The following SYT12 variants were observed in gnomAD, a reference collection of about 807,000 sequenced individuals.
SYT12 encodes the protein synaptotagmin-12.
In SYT12, 27 loss-of-function variants were observed where a neutral mutation model predicts 39.5. That is an observed-to-expected ratio of 0.68 (90% CI 0.50 to 0.94). The LOEUF is 0.94. Ranked by LOEUF, SYT12 falls within the 40% of genes least tolerant of loss-of-function variation. The probability of loss-of-function intolerance (pLI) is 0.00; values close to 1 mark genes in which losing one functional copy is unlikely to be tolerated. For synonymous variants in SYT12, 233 were observed against 239.7 expected (o/e 0.97, Z 0.26); for missense variants, 536 against 572.6 (o/e 0.94, Z 0.65).
At chr11:67,040,286 A>G (rs1950485431) in intron 4 of SYT12, 83 bp downstream of exon 4, 1 of 1,503,382 alleles carries the variant, frequency 6.7e-7, no homozygotes, top group South Asian at 1.3e-5. Context: ...GGGGCCCGGC[A>G]GGATCCCAGA....
rs147256033 is a variant in SYT12, at chr11:67,045,752, G to A, written c.967G>A (p.Val323Ile). 65 of 1,613,684 alleles carry A rather than the reference G, an allele frequency of 4.0e-5. No homozygotes were observed. The highest frequency in any genetic ancestry group is 1.6e-4 in the Middle Eastern group (1 of 6,084). ...TGTCCGCCTGCCCACAGACCCCTTC[G>A]TCAAGGTGTACCTGCTGCAGGATGG... Reference protein sequence around the residue: ...TNDKTTADPFVKVYLLQDGRK... With the variant: ...TNDKTTADPFIKVYLLQDGRK... Residue 323 changes from valine to isoleucine, a missense_variant, in exon 7 of 8, where the codon GTC becomes ATC. Coordinates refer to ENST00000527043, the MANE Select transcript of SYT12 (RefSeq NM_177963.4).
upstream of SYT12, among the ~76,000 whole-genome samples, chr11:67,021,098 A>G (rs763132870): frequency 1.3e-5 from 2 of 152,160 alleles, no homozygotes; most frequent in Non-Finnish European, 2.9e-5. Context: ...TTGTGTCACT[A>G]CACCACAATG....
intron 3 of SYT12, 95 bp downstream of exon 3, chr11:67,034,933 A>T: frequency 1.1e-6 from 1 of 873,766 alleles, no homozygotes; most frequent in Non-Finnish European, 1.6e-6. Flanking sequence ...CTCCGTCACC[A>T]CCTCCTCCTG....
At chr11:67,045,944 C>G in intron 7 of SYT12, 67 bp downstream of exon 7, 1 of 1,595,604 alleles carries the variant, frequency 6.3e-7, no homozygotes, top group East Asian at 2.2e-5. Flanking sequence ...CGCATCTCTC[C>G]ACCTTCTCTT....
chr11:67,030,271 G>A (rs1056099402), intron 2 of SYT12, 93 bp downstream of exon 2: 1 of 1,434,148 alleles, frequency 7.0e-7, no homozygotes, highest in Non-Finnish European at 9.7e-7. Context: ...TGAATAATTA[G>A]TCCTTGCCAT....
chr11:67,026,473 G>T (rs150426934), intron 1 of SYT12: 2 of 151,696 alleles, frequency 1.3e-5, no homozygotes, highest in African/African-American at 4.8e-5. Flanking sequence ...GGGTTTCTCC[G>T]TGTGGGTCAG....
At position 67,040,187 on chromosome 11, in the gene SYT12, T is replaced by C. The variant is rs1950483136; in HGVS notation, c.605T>C (p.Ile202Thr). The change falls in exon 4 of 8, where the codon ATC (isoleucine) becomes ACC (threonine). Residue 202 changes from isoleucine (I) to threonine (T), a missense_variant. Transcript: ENST00000527043. The stretch of plus-strand genomic sequence containing the variant: ...GTCAGCCTGCTGCCGGACGAGCAGA[T>C]CGTGGGCATTTCTCGGGTAAGTGGG... ...MRVSLLPDEQ[I>T]VGISRIQRNA... 1.3e-6 allele frequency: 2 copies of C among 1,578,210 alleles called. No homozygotes were observed. The highest frequency in any genetic ancestry group is 1.7e-6 in the Non-Finnish European group (2 of 1,158,794).
chr11:67,024,270 G>A (rs1356659862), intron 1 of SYT12, among the ~76,000 whole-genome samples: 2 of 152,224 alleles, frequency 1.3e-5, no homozygotes, highest in African/African-American at 4.8e-5. Flanking sequence ...CAGTTTTAGA[G>A]AGCAGCAGCA....
intron 2 of SYT12, chr11:67,032,469 G>T (rs1446411592): frequency 1.3e-5 from 2 of 152,284 alleles, no homozygotes; most frequent in Non-Finnish European, 2.9e-5. Context: ...TCCAAACGGA[G>T]TATGAAGCCC....
chr11:67,037,829 C>G (rs1403025716), intron 3 of SYT12, among the ~76,000 whole-genome samples: 4 of 148,612 alleles, frequency 2.7e-5, no homozygotes, highest in Non-Finnish European at 5.9e-5. Flanking sequence ...TTGCAGTGAG[C>G]AGAGATCGCA....
At chr11:67,009,314 A>AT (rs374861549) in intron 1 of SYT12, among the ~76,000 whole-genome samples, 6 of 150,588 alleles carry the variant, frequency 4.0e-5, no homozygotes, top group African/African-American at 1.2e-4. Context: ...ACCTTGATTG[A>AT]TTTTTTTTCT....
chr11:67,010,434 A>G (rs964202038), intron 2 of SYT12, among the ~76,000 whole-genome samples: 1 of 152,202 alleles, frequency 6.6e-6, no homozygotes, highest in Admixed American at 6.5e-5. Context: ...AGACAGGGGT[A>G]GTGTCCAGAC....
intron 3 of SYT12, among the ~76,000 whole-genome samples, chr11:67,011,469 C>G (rs1002080217): frequency 6.6e-6 from 1 of 152,202 alleles, no homozygotes; most frequent in Non-Finnish European, 1.5e-5. Context: ...TCTCGAACTC[C>G]TGACCTCAGG....
chr11:67,034,809 G>C lies in SYT12; in HGVS notation c.199G>C (p.Gly67Arg). The C allele has an allele frequency of 6.3e-7, 1 of 1,584,916 alleles. No homozygotes were observed. Among genetic ancestry groups the C allele is most frequent in the South Asian group, 1.2e-5 (1 of 86,782 alleles). ...CTACAGGTACCTTCAGCAGAAGTACGGCGAGAGCTGCGCAGAGGCCAGGGA... is the reference window on the plus strand; with the variant it reads ...CTACAGGTACCTTCAGCAGAAGTACCGCGAGAGCTGCGCAGAGGCCAGGGA... ...YDYRYLQQKY[G>R]ESCAEAREKR... Residue 67 changes from glycine to arginine, a missense_variant, in exon 3 of 8, where the codon GGC becomes CGC. By Grantham distance (125) the Gly-to-Arg change is moderately radical (BLOSUM62 -2). Coordinates refer to ENST00000527043, the MANE Select transcript of SYT12 (RefSeq NM_177963.4).
chr11:67,009,623 C>T (rs761873909), intron 1 of SYT12, among the ~76,000 whole-genome samples: 3 of 151,672 alleles, frequency 2.0e-5, no homozygotes, highest in Non-Finnish European at 4.4e-5. Context: ...GACAAAACAC[C>T]TGCTATATGC....
chr11:67,035,812 TCCTTCCTTCCTTCCTTCCTTCC>T (rs1950360334), intron 3 of SYT12, among the ~76,000 whole-genome samples: 1 of 72,316 alleles, frequency 1.4e-5, no homozygotes, highest in African/African-American at 6.8e-5. Context: ...CTTCCTTCCT[TCCTTCCTTCCTTCCTTCCTTCC>T]TTCCTTTCTT....
chr11:67,021,406 T>G (rs779808850), upstream of SYT12, among the ~76,000 whole-genome samples: 2 of 152,026 alleles, frequency 1.3e-5, no homozygotes, highest in Non-Finnish European at 2.9e-5. Context: ...GCTCCCAGGT[T>G]CAAGCAATTC....
chr11:67,035,256 G>A lies in SYT12; in HGVS notation c.228+418G>A, dbSNP rs560533554. Among the ~76,000 whole-genome samples, 36 of 150,884 alleles carry A rather than the reference G, an allele frequency of 2.4e-4. No homozygotes were observed. The South Asian group carries it at 7.5e-3, about 32-fold the overall frequency. ...ACTCCTGACCTCAGGTGATCCACCT[G>A]CCTCGACCTCCCAAAGTGCTGGCGT... On this transcript the variant is annotated intron_variant, in intron 3 of 7. Coordinates refer to ENST00000527043, the MANE Select transcript of SYT12 (RefSeq NM_177963.4).
chr11:67,027,287 G>A (rs1018631444), intron 1 of SYT12: 3 of 152,298 alleles, frequency 2.0e-5, no homozygotes, highest in African/African-American at 7.2e-5. Context: ...GATCATTGAG[G>A]TCAGGAGTTC....
Sources: gnomAD v4.1 joint callset for allele counts (sites outside exome capture counted in the v4.1 genomes callset) on GRCh38, gnomAD v4.1.1 for gene constraint, MANE v1.5 for transcripts, NCBI Gene and HGNC (gene_info 2026-07-23, HGNC 2026-07-21) for gene names.